The following PTPRD variants were observed in gnomAD, a reference collection of about 807,000 sequenced individuals.
PTPRD encodes the protein protein tyrosine phosphatase receptor type D.
In PTPRD, 34 loss-of-function variants were observed where a neutral mutation model predicts 214.5. The ratio of observed to expected loss-of-function variants is 0.16; its 90% CI spans 0.12 to 0.21. The LOEUF is 0.21. Among genes scored for constraint, PTPRD ranks in the 10% least tolerant of loss-of-function variants. The probability of loss-of-function intolerance (pLI) is 1.00; values close to 1 mark genes in which losing one functional copy is unlikely to be tolerated. For missense variants in PTPRD, 2,545 were observed against 2,398.7 expected, an observed-to-expected ratio of 1.06 and a Z score of -1.27; for synonymous variants, 1,128 against 845.7, an observed-to-expected ratio of 1.33 and a Z score of -5.79.
chr9:9,713,226 G>A (rs573846186), intron 7 of PTPRD, among the ~76,000 whole-genome samples: 5 of 152,264 alleles, frequency 3.3e-5, no homozygotes, highest in African/African-American at 9.6e-5. Flanking sequence ...CTCTATGTCT[G>A]CCTAAGAATA....
At chr9:9,108,095 C>G (rs2099801170) in intron 10 of PTPRD, among the ~76,000 whole-genome samples, 1 of 152,070 alleles carries the variant, frequency 6.6e-6, no homozygotes, top group South Asian at 2.1e-4. Flanking sequence ...TTCTTAAAAC[C>G]CTTAGGGCTC....
chr9:10,092,368 G>C (rs1374072025), intron 3 of PTPRD, among the ~76,000 whole-genome samples: 1 of 151,240 alleles, frequency 6.6e-6, no homozygotes, highest in Non-Finnish European at 1.5e-5. Flanking sequence ...GAACATTGTA[G>C]ACCAATCCAT....
At chr9:8,692,038 G>A (rs571587111) in intron 12 of PTPRD, among the ~76,000 whole-genome samples, 99 of 152,152 alleles carry the variant, frequency 6.5e-4, no homozygotes, top group African/African-American at 2.2e-3. Flanking sequence ...GGAAAATTCC[G>A]ACTCTGATGG....
intron 9 of PTPRD, among the ~76,000 whole-genome samples, chr9:9,384,790 T>A (rs778290518): frequency 3.3e-5 from 5 of 152,162 alleles, no homozygotes; most frequent in Non-Finnish European, 7.4e-5. Context: ...TCACTATTTG[T>A]TTTCAGATTT....
chr9:10,566,510 C>G (rs115239633), intron 2 of PTPRD, among the ~76,000 whole-genome samples: 9,894 of 151,888 alleles, frequency 0.065, 485 homozygotes, highest in African/African-American at 0.14. Flanking sequence ...CTGGTTATTT[C>G]GATTTCCTCT....
At chr9:9,171,089 A>C (rs942566986) in intron 10 of PTPRD, among the ~76,000 whole-genome samples, 1 of 152,152 alleles carries the variant, frequency 6.6e-6, no homozygotes, top group Non-Finnish European at 1.5e-5. Flanking sequence ...TATAAACATT[A>C]CAAATTGAAA....
At chr9:10,095,957 C>T (rs2098479248) in intron 3 of PTPRD, among the ~76,000 whole-genome samples, 1 of 151,546 alleles carries the variant, frequency 6.6e-6, no homozygotes, top group African/African-American at 2.4e-5. Flanking sequence ...TAGGTGTTGA[C>T]ATTGCTGGGG....
intron 8 of PTPRD, among the ~76,000 whole-genome samples, chr9:9,572,097 T>C (rs1024987284): frequency 1.2e-4 from 18 of 151,552 alleles, no homozygotes; most frequent in African/African-American, 3.6e-4. Context: ...TAAGAACTTC[T>C]GTTCATCAAA....
At chr9:10,139,261 G>C (rs2098965131) in intron 3 of PTPRD, among the ~76,000 whole-genome samples, 1 of 149,798 alleles carries the variant, frequency 6.7e-6, no homozygotes, top group African/African-American at 2.5e-5. Flanking sequence ...GACAAATTAA[G>C]AATGCAAACC....
chr9:9,192,264 A>G (rs568376530), intron 9 of PTPRD, among the ~76,000 whole-genome samples: 1 of 152,196 alleles, frequency 6.6e-6, no homozygotes, highest in South Asian at 2.1e-4. Flanking sequence ...AAGTGTTGGG[A>G]GAAAGCAGGA....
At chr9:9,827,818 A>G (rs2053464448) in intron 5 of PTPRD, among the ~76,000 whole-genome samples, 1 of 152,158 alleles carries the variant, frequency 6.6e-6, no homozygotes, top group Non-Finnish European at 1.5e-5. Context: ...CAAGAAAAAA[A>G]CAACCCCATC....
intron 5 of PTPRD, among the ~76,000 whole-genome samples, chr9:9,915,036 G>A (rs995361024): frequency 3.3e-5 from 5 of 152,072 alleles, no homozygotes; most frequent in East Asian, 1.9e-4. Flanking sequence ...AAAATAGCCC[G>A]GTGAGCCAAC....
At chr9:8,351,487 T>TAATA (rs1195187415) in intron 39 of PTPRD, among the ~76,000 whole-genome samples, 2 of 151,750 alleles carry the variant, frequency 1.3e-5, no homozygotes, top group Non-Finnish European at 1.5e-5. Context: ...AAAGTTACTA[T>TAATA]AATAAATATC....
At chr9:8,486,848 T>G (rs2136010969) in intron 27 of PTPRD, among the ~76,000 whole-genome samples, 1 of 152,318 alleles carries the variant, frequency 6.6e-6, no homozygotes, top group African/African-American at 2.4e-5. Context: ...TATCTCTATC[T>G]TCTATAATGA....
chr9:8,392,220 C>T (rs970892165), intron 36 of PTPRD, among the ~76,000 whole-genome samples: 2 of 151,596 alleles, frequency 1.3e-5, no homozygotes, highest in Non-Finnish European at 2.9e-5. Flanking sequence ...CCTGTCTCTA[C>T]AAAAAAATAA....
chr9:9,042,097 A>C (rs1047283764), intron 10 of PTPRD, among the ~76,000 whole-genome samples: 1 of 152,116 alleles, frequency 6.6e-6, no homozygotes, highest in Non-Finnish European at 1.5e-5. Flanking sequence ...TAGAAACTGA[A>C]ATGCCATTAG....
intron 3 of PTPRD, among the ~76,000 whole-genome samples, chr9:10,095,013 C>A (rs190592179): frequency 6.6e-6 from 1 of 151,124 alleles, no homozygotes; most frequent in Non-Finnish European, 1.5e-5. Flanking sequence ...AACTTCTAAG[C>A]GGGGTATTAC....
intron 9 of PTPRD, among the ~76,000 whole-genome samples, chr9:9,194,127 G>A (rs997151534): frequency 6.6e-6 from 1 of 152,014 alleles, no homozygotes; most frequent in Non-Finnish European, 1.5e-5. Flanking sequence ...CACAGGGTCA[G>A]GATCATCAGT....
At chr9:8,559,023 CAT>C (rs145584510) in intron 14 of PTPRD, among the ~76,000 whole-genome samples, 1 of 151,982 alleles carries the variant, frequency 6.6e-6, no homozygotes, top group Non-Finnish European at 1.5e-5. Flanking sequence ...CCTACATTTA[CAT>C]AGTCTAATAG....
Sources: allele counts gnomAD v4.1 joint callset (sites outside exome capture counted in the v4.1 genomes callset), GRCh38; gene constraint gnomAD v4.1.1; transcripts MANE v1.5; gene names NCBI Gene and HGNC (gene_info 2026-07-23, HGNC 2026-07-21).